ZNF99: variants seen among roughly 807,000 people sequenced by gnomAD.
ZNF99 encodes zinc finger protein ENSP00000375192.
A neutral mutation model predicts 12.8 loss-of-function variants in ZNF99; 8 were observed. The observed-to-expected ratio is 0.62, with a 90% CI of 0.37 to 1.13. The LOEUF is 1.13. Among genes scored for constraint, ZNF99 ranks in the 50% most tolerant of loss-of-function variants. The pLI is 0.02. For missense variants in ZNF99, 1,007 were observed against 1,006.2 expected (o/e 1.00, Z -0.01); for synonymous variants, 318 against 319.0 (o/e 1.00, Z 0.03).
chr19:22,775,117 A>T (rs775633010), intron 1 of ZNF99, among the ~76,000 whole-genome samples: 3 of 152,188 alleles, frequency 2.0e-5, no homozygotes, highest in Non-Finnish European at 4.4e-5. Context: ...AATCCTAAGC[A>T]AAAAGAACAA....
In ZNF99 at chr19:22,757,558, G is replaced by C. The variant is rs1480741463; in HGVS notation, c.2351C>G (p.Thr784Ser). The change falls in exon 4 of 4, where the codon ACT (threonine) becomes AGT (serine). Residue 784 changes from threonine (T) to serine (S), a missense_variant. By Grantham distance (58) the Thr-to-Ser change is moderately conservative. Transcript: ENST00000596209. ...TTCACATTTATAGGGTTTCTTTCCA[G>C]TATGAATTATCTTATGTTTTCTAAG... is the stretch of plus-strand genomic sequence containing the variant. ...SALRKHKIIH[T>S]GKKPYKCEEC... 5 of 1,610,958 alleles carry C rather than the reference G, an allele frequency of 3.1e-6. No homozygotes were observed. Among genetic ancestry groups the C allele is most frequent in the Admixed American group, 1.7e-5 (1 of 59,898 alleles).
rs1433455476 is a variant in ZNF99, at chr19:22,755,057, G to A, written c.*2257C>T. On this transcript the variant is annotated 3_prime_UTR_variant, in exon 4 of 4. Coordinates refer to ENST00000596209, the MANE Select transcript of ZNF99 (RefSeq NM_001080409.3). The stretch of plus-strand genomic sequence containing the variant: ...CTGCACTCCAGAGCCTGGGCAACTA[G>A]GGCGAAACTCTGTTTCAAAAAAAAA... The A allele has an allele frequency of 6.3e-6, 1 of 158,584 alleles. No homozygotes were observed. The highest frequency in any genetic ancestry group is 1.3e-5 in the Non-Finnish European group (1 of 78,142). The allele number at this position is 158,584 out of a possible 1,614,324, so 9.8% of individuals were successfully genotyped here. A position where few individuals can be genotyped will look rare whatever the true frequency, so the allele number is the denominator to read the frequency against.
chr19:22,762,370 A>C (rs1433414571), intron 3 of ZNF99, among the ~76,000 whole-genome samples: 2 of 152,312 alleles, frequency 1.3e-5, no homozygotes, highest in East Asian at 3.9e-4. Context: ...CTTTAAGTGC[A>C]CTAACTAGAA....
intron 1 of ZNF99, among the ~76,000 whole-genome samples, chr19:22,778,427 A>G (rs1973352608): frequency 6.6e-6 from 1 of 152,110 alleles, no homozygotes; most frequent in Non-Finnish European, 1.5e-5. Flanking sequence ...CTCCAACACC[A>G]ACTCACTGAA....
Position 22,758,100 on chromosome 19 carries a change from G to C in ZNF99, c.1809C>G (p.Asn603Lys), listed in dbSNP as rs75814495. 3.6e-5 allele frequency: 57 copies of C among 1,602,194 alleles called. No individual in the cohort carries two copies. In the African/African-American group the frequency reaches 6.8e-4, roughly 19 times the overall value. ...YKCEECGKAF[N>K]HFSALRKHQI... Reference sequence around the variant, plus strand: ...GATGTTTTCTAAGGGCTGAGAAGTGGTTAAAAGCTTTGCCACATTCTTCAC... The same window carrying C: ...GATGTTTTCTAAGGGCTGAGAAGTGCTTAAAAGCTTTGCCACATTCTTCAC... The change falls in exon 4 of 4, where the codon AAC becomes AAG. Residue 603 changes from asparagine to lysine, a missense_variant. Physicochemically the swap from Asn to Lys is moderately conservative, Grantham distance 94. Transcript: ENST00000596209.
Position 22,754,388 on chromosome 19 carries a change from C to T in ZNF99, c.*2926G>A, listed in dbSNP as rs1180757795. The T allele has an allele frequency of 4.9e-6, 2 of 411,488 alleles. No homozygotes were observed. Among genetic ancestry groups the T allele is most frequent in the African/African-American group, 2.1e-5 (1 of 47,288 alleles). 25.5% of individuals were successfully genotyped at this position (411,488 alleles called of 1,614,324 possible). ...TTTCAAAAAAAAAAAAAAAACTTTG[C>T]CACATTCTTCACATTTGTAGAATTT... On this transcript the variant is annotated 3_prime_UTR_variant, in exon 4 of 4. Transcript: ENST00000596209.
chr19:22,755,953 T>C lies in ZNF99; in HGVS notation c.*1361A>G, dbSNP rs1973044563. ...AGCTTTGTCACCTTTATTATATTTG[T>C]AGGGTTTTCCTCCAGTATCAATTAT... is the stretch of plus-strand genomic sequence containing the variant. On this transcript the variant is annotated 3_prime_UTR_variant, in exon 4 of 4. Coordinates refer to ENST00000596209, the MANE Select transcript of ZNF99 (RefSeq NM_001080409.3). 2 of 461,770 alleles carry C rather than the reference T, an allele frequency of 4.3e-6. No homozygotes were observed. The highest frequency in any genetic ancestry group is 3.6e-4 in the Middle Eastern group (1 of 2,776). 28.6% of individuals were successfully genotyped at this position (461,770 alleles called of 1,614,324 possible).
Position 22,769,335 on chromosome 19 carries a change from C to A in ZNF99, c.4-11G>T. ...AAATGTCAACGATCCCTGAAAAACA[C>A]AACAAAGATACATATAGATTTCCCA... is the stretch of plus-strand genomic sequence containing the variant. On this transcript the variant is annotated splice_polypyrimidine_tract_variant and intron_variant, in intron 1 of 3. Coordinates refer to ENST00000596209, the MANE Select transcript of ZNF99 (RefSeq NM_001080409.3). 6.3e-7 allele frequency: 1 copy of A among 1,599,916 alleles called. No homozygotes were observed. Among genetic ancestry groups the A allele is most frequent in the East Asian group, 2.3e-5 (1 of 44,426 alleles).
intron 1 of ZNF99, chr19:22,770,422 TCTCGA>T (rs1417499989): frequency 6.5e-6 from 1 of 152,730 alleles, no homozygotes; most frequent in Non-Finnish European, 1.5e-5. Context: ...AGTGGCGCGA[TCTCGA>T]CTCACTGCAA....
intron 3 of ZNF99, among the ~76,000 whole-genome samples, chr19:22,760,134 C>T (rs540473889): frequency 6.6e-6 from 1 of 152,234 alleles, no homozygotes; most frequent in South Asian, 2.1e-4. Context: ...TCCATCTCTA[C>T]TAAAAATTCA....
chr19:22,782,563 T>C (rs934778600), intron 1 of ZNF99, among the ~76,000 whole-genome samples: 1 of 151,636 alleles, frequency 6.6e-6, no homozygotes, highest in Non-Finnish European at 1.5e-5. Context: ...GGTTTCTCCA[T>C]GTTGGTCAGG....
intron 1 of ZNF99, among the ~76,000 whole-genome samples, chr19:22,782,209 G>T (rs756000422): frequency 3.3e-5 from 5 of 152,118 alleles, no homozygotes; most frequent in Non-Finnish European, 5.9e-5. Context: ...TGCAGGAATT[G>T]GGGTTTGGGA....
chr19:22,778,929 C>G (rs368281301), intron 1 of ZNF99, among the ~76,000 whole-genome samples: 1 of 151,916 alleles, frequency 6.6e-6, no homozygotes, highest in East Asian at 1.9e-4. Flanking sequence ...ATCGCTCCAA[C>G]CCAGGAAGTG....
At chr19:22,760,581 A>G (rs1399007321) in intron 3 of ZNF99, among the ~76,000 whole-genome samples, 5 of 152,038 alleles carry the variant, frequency 3.3e-5, no homozygotes, top group Non-Finnish European at 5.9e-5. Flanking sequence ...CGTCTCCACT[A>G]AAAATACAAA....
Position 22,759,280 on chromosome 19 carries a change from AAGGCTTTGCC to A in ZNF99, c.619_628del (p.Gly207LeufsTer12). 1 of 1,550,952 alleles carries A rather than the reference AAGGCTTTGCC, an allele frequency of 6.4e-7. No homozygotes were observed. Among genetic ancestry groups the A allele is most frequent in the Non-Finnish European group, 8.7e-7 (1 of 1,148,658 alleles). The stretch of plus-strand genomic sequence containing the variant: ...TTTAATAAGGGTTGAGAACCATTTA[AAGGCTTTGCC>A]ACGTTCTTCACATTTGTAGATATTC... On this transcript the variant is annotated frameshift_variant, in exon 4 of 4. Coordinates refer to ENST00000596209, the MANE Select transcript of ZNF99 (RefSeq NM_001080409.3). LOFTEE classifies it low-confidence loss of function (END_TRUNC).
intron 1 of ZNF99, among the ~76,000 whole-genome samples, chr19:22,779,139 C>T (rs1232235913): frequency 6.6e-6 from 1 of 152,148 alleles, no homozygotes; most frequent in African/African-American, 2.4e-5. Context: ...AACACCCTTC[C>T]CATTATGACT....
chr19:22,757,895 T>C lies in ZNF99; in HGVS notation c.2014A>G (p.Thr672Ala). Residue 672 changes from threonine to alanine, a missense_variant, in exon 4 of 4, where the codon ACT becomes GCT. Coordinates refer to ENST00000596209, the MANE Select transcript of ZNF99 (RefSeq NM_001080409.3). ...SHLTRHKVIH[T>A]EEKPYKCEEC... ...TCACATTTGTAGGGTTTCTCTTCAGTATGAATTACTTTATGTCTAGTAAGG... is the reference window on the plus strand; with the variant it reads ...TCACATTTGTAGGGTTTCTCTTCAGCATGAATTACTTTATGTCTAGTAAGG... 6.2e-7 allele frequency: 1 copy of C among 1,612,782 alleles called. No individual in the cohort carries two copies. The highest frequency in any genetic ancestry group is 8.5e-7 in the Non-Finnish European group (1 of 1,179,122).
At chr19:22,778,059 C>T (rs1323050883) in intron 1 of ZNF99, among the ~76,000 whole-genome samples, 3 of 149,866 alleles carry the variant, frequency 2.0e-5, no homozygotes, top group South Asian at 2.1e-4. Flanking sequence ...AAATACCTAA[C>T]GTAAATGATG....
intron 1 of ZNF99, among the ~76,000 whole-genome samples, chr19:22,773,425 G>C (rs1209782414): frequency 6.6e-6 from 1 of 150,424 alleles, no homozygotes; most frequent in Non-Finnish European, 1.5e-5. Flanking sequence ...CAAAAGGATG[G>C]TCACCTTAAT....
Sources: allele counts gnomAD v4.1 joint callset (sites outside exome capture counted in the v4.1 genomes callset), GRCh38; gene constraint gnomAD v4.1.1; transcripts MANE v1.5; gene names NCBI Gene and HGNC (gene_info 2026-07-23, HGNC 2026-07-21).